EPHA5: variants seen among roughly 807,000 people sequenced by gnomAD.
EPHA5 encodes EPH receptor A5.
In EPHA5, 60 loss-of-function variants were observed where a neutral mutation model predicts 105.0. The observed-to-expected ratio is 0.57, with a 90% CI of 0.46 to 0.71. The LOEUF (loss-of-function observed/expected upper bound fraction) is 0.71, where lower values mean the gene tolerates loss of function less well. EPHA5 is among the 30% of genes least tolerant of loss of function. The pLI, the probability that EPHA5 is intolerant of heterozygous loss-of-function variation, is 0.00. For synonymous variants in EPHA5, 513 were observed against 449.1 expected, an observed-to-expected ratio of 1.14 and a Z score of -1.80; for missense variants, 1,218 against 1,274.7, an observed-to-expected ratio of 0.96 and a Z score of 0.68.
chr4:65,330,962 C>A lies in EPHA5; in HGVS notation c.2945+1011G>T, dbSNP rs569023975. The A allele has an allele frequency of 1.3e-5, 14 of 1,043,654 alleles. No homozygotes were observed. The East Asian group carries it at 7.9e-4, about 59-fold the overall frequency. The allele number at this position is 1,043,654 out of a possible 1,614,324, so 64.6% of individuals were successfully genotyped here. A position where few individuals can be genotyped will look rare whatever the true frequency, so the allele number is the denominator to read the frequency against. On this transcript the variant is annotated intron_variant, in intron 16 of 16. Coordinates refer to ENST00000613740, the MANE Select transcript of EPHA5 (RefSeq NM_001281766.3). The stretch of plus-strand genomic sequence containing the variant: ...ATTAATTGGTGATAAATGGTGGTAC[C>A]CTGTTACCTTCTGTGGGGAGGAACA...
intron 5 of EPHA5, among the ~76,000 whole-genome samples, chr4:65,463,178 C>G (rs974562459): frequency 6.6e-6 from 1 of 152,040 alleles, no homozygotes; most frequent in Non-Finnish European, 1.5e-5. Context: ...TATATGTGTT[C>G]CTGTGTGATG....
chr4:65,329,529 C>T (rs954113503), intron 16 of EPHA5, among the ~76,000 whole-genome samples: 5 of 151,396 alleles, frequency 3.3e-5, no homozygotes, highest in African/African-American at 9.7e-5. Context: ...TTAAATATGG[C>T]AGTTGGACTA....
intron 11 of EPHA5, among the ~76,000 whole-genome samples, chr4:65,355,045 T>C (rs924363037): frequency 1.3e-5 from 2 of 151,784 alleles, no homozygotes; most frequent in Non-Finnish European, 2.9e-5. Flanking sequence ...AGATCACATA[T>C]GCAGAGAATG....
At chr4:65,562,445 A>G (rs769110448) in intron 3 of EPHA5, among the ~76,000 whole-genome samples, 3 of 152,090 alleles carry the variant, frequency 2.0e-5, no homozygotes, top group Non-Finnish European at 4.4e-5. Context: ...TTTAGGGGAA[A>G]AAAGATGCAT....
intron 8 of EPHA5, among the ~76,000 whole-genome samples, chr4:65,379,865 G>A (rs534395478): frequency 3.4e-4 from 52 of 151,774 alleles, no homozygotes; most frequent in Non-Finnish European, 4.0e-4. Flanking sequence ...AGATAATACT[G>A]TGCATTAATA....
At chr4:65,669,337 A>G (rs988908429) in intron 1 of EPHA5, 1 of 946,102 alleles carries the variant, frequency 1.1e-6, no homozygotes, top group African/African-American at 1.8e-5. Context: ...CTCTGTCCAC[A>G]CGCATGTTCC....
intron 3 of EPHA5, among the ~76,000 whole-genome samples, chr4:65,496,862 A>G (rs1446963362): frequency 1.3e-5 from 2 of 152,182 alleles, no homozygotes; most frequent in African/African-American, 4.8e-5. Context: ...ATTGGCATGA[A>G]TATTATAACA....
At chr4:65,609,528 G>GT (rs1288238303) in intron 2 of EPHA5, among the ~76,000 whole-genome samples, 1 of 151,700 alleles carries the variant, frequency 6.6e-6, no homozygotes, top group Non-Finnish European at 1.5e-5. Flanking sequence ...AAACTTTCAG[G>GT]TTAATATTAA....
chr4:65,634,707 G>T (rs979310925), intron 2 of EPHA5, among the ~76,000 whole-genome samples: 6 of 151,760 alleles, frequency 4.0e-5, no homozygotes, highest in Admixed American at 1.3e-4. Flanking sequence ...GTCTATCACT[G>T]TTCAAATAAA....
At chr4:65,541,449 T>A (rs569388337) in intron 3 of EPHA5, among the ~76,000 whole-genome samples, 1 of 151,946 alleles carries the variant, frequency 6.6e-6, no homozygotes, top group Admixed American at 6.6e-5. Flanking sequence ...GGGGCTGCAA[T>A]CCTAGTCTCT....
intron 1 of EPHA5, among the ~76,000 whole-genome samples, chr4:65,662,697 G>A (rs910158950): frequency 4.6e-5 from 7 of 152,210 alleles, no homozygotes; most frequent in South Asian, 2.1e-4. Flanking sequence ...TAGAATATGT[G>A]AGTGTGTGAG....
intron 5 of EPHA5, among the ~76,000 whole-genome samples, chr4:65,457,988 C>G (rs376440460): frequency 6.9e-6 from 1 of 144,548 alleles, no homozygotes; most frequent in African/African-American, 2.6e-5. Flanking sequence ...GCAGGAGAAT[C>G]GCTTGAACCC....
At chr4:65,401,904 TGAGAGAGA>T (rs34334792) in intron 8 of EPHA5, among the ~76,000 whole-genome samples, 17 of 148,670 alleles carry the variant, frequency 1.1e-4, no homozygotes, top group South Asian at 2.1e-4. Context: ...TGTGTGTGTG[TGAGAGAGA>T]GAGAGAGAGA....
chr4:65,476,123 A>AGTGTGTGTGTGT (rs1457344941), intron 5 of EPHA5, among the ~76,000 whole-genome samples: 7 of 130,056 alleles, frequency 5.4e-5, no homozygotes, highest in African/African-American at 2.0e-4. Context: ...AGAGAGAGAG[A>AGTGTGTGTGTGT]GAGAGTGTGT....
At chr4:65,456,320 C>T (rs7673412) in intron 5 of EPHA5, among the ~76,000 whole-genome samples, 8 of 138,794 alleles carry the variant, frequency 5.8e-5, no homozygotes, top group Admixed American at 3.0e-4. Context: ...CTCTGTTCTT[C>T]GATTTTTTTT....
chr4:65,450,908 T>C (rs1037396177), intron 5 of EPHA5, among the ~76,000 whole-genome samples: 4 of 152,166 alleles, frequency 2.6e-5, no homozygotes, highest in African/African-American at 9.6e-5. Flanking sequence ...AATGGAAACA[T>C]GAGTAGTACT....
At chr4:65,555,873 T>A (rs1578413591) in intron 3 of EPHA5, among the ~76,000 whole-genome samples, 1 of 152,136 alleles carries the variant, frequency 6.6e-6, no homozygotes, top group East Asian at 1.9e-4. Context: ...AGAAGCTCTT[T>A]TTTTATTTTC....
At chr4:65,372,502 T>C (rs980926064) in intron 8 of EPHA5, among the ~76,000 whole-genome samples, 22 of 151,866 alleles carry the variant, frequency 1.4e-4, no homozygotes, top group African/African-American at 5.1e-4. Context: ...ACCAGAATAT[T>C]TGCATTTTGG....
At chr4:65,532,416 A>C (rs1011963354) in intron 3 of EPHA5, among the ~76,000 whole-genome samples, 4 of 152,000 alleles carry the variant, frequency 2.6e-5, no homozygotes, top group Non-Finnish European at 5.9e-5. Context: ...CATAAAATTC[A>C]GGTACCAGGT....
Sources: allele counts gnomAD v4.1 joint callset (sites outside exome capture counted in the v4.1 genomes callset), GRCh38; gene constraint gnomAD v4.1.1; transcripts MANE v1.5; gene names NCBI Gene and HGNC (gene_info 2026-07-23, HGNC 2026-07-21).